The following ERG variants were observed in gnomAD, a reference collection of about 807,000 sequenced individuals.
The protein encoded by ERG is transcriptional regulator ERG.
Under a neutral mutation model 55.3 loss-of-function variants are expected in ERG, and 9 were observed. The ratio of observed to expected loss-of-function variants is 0.16; its 90% CI spans 0.10 to 0.28. The LOEUF (loss-of-function observed/expected upper bound fraction) is 0.28. Among genes scored for constraint, ERG ranks in the 10% least tolerant of loss-of-function variants. The pLI is 1.00. For synonymous variants in ERG, 223 were observed against 237.3 expected, an observed-to-expected ratio of 0.94 and a Z score of 0.55; for missense variants, 434 against 631.6, an observed-to-expected ratio of 0.69 and a Z score of 3.35.
intron 1 of ERG, among the ~76,000 whole-genome samples, chr21:38,590,425 A>C (rs954126576): frequency 6.6e-6 from 1 of 152,148 alleles, no homozygotes; most frequent in Admixed American, 6.5e-5. Flanking sequence ...TTTCACCTGT[A>C]TGTCCCACAA....
intron 1 of ERG, among the ~76,000 whole-genome samples, chr21:38,607,673 T>C (rs2060204530): frequency 6.6e-6 from 1 of 152,050 alleles, no homozygotes; most frequent in Admixed American, 6.6e-5. Flanking sequence ...AAGACAATTA[T>C]GAGTGGATAT....
At chr21:38,654,249 G>A (rs1049844931) in intron 1 of ERG, among the ~76,000 whole-genome samples, 17 of 152,218 alleles carry the variant, frequency 1.1e-4, no homozygotes, top group South Asian at 2.1e-4. Flanking sequence ...AGGACGAGGC[G>A]GGCAGATCAC....
At chr21:38,530,312 G>A (rs903460950) in intron 2 of ERG, among the ~76,000 whole-genome samples, 12 of 152,038 alleles carry the variant, frequency 7.9e-5, no homozygotes, top group Non-Finnish European at 7.4e-5. Context: ...CACCCGCCTC[G>A]GCCTCCCAAA....
intron 1 of ERG, among the ~76,000 whole-genome samples, chr21:38,640,844 C>T (rs995956548): frequency 1.3e-5 from 2 of 152,130 alleles, no homozygotes; most frequent in Non-Finnish European, 1.5e-5. Context: ...GCTAAGAGGA[C>T]AGCAGTTACC....
upstream of ERG, among the ~76,000 whole-genome samples, chr21:38,500,606 C>G (rs187634174): frequency 6.6e-6 from 1 of 152,206 alleles, no homozygotes. Flanking sequence ...CATGCTCTCT[C>G]TCTCTCAATC....
At chr21:38,426,969 AT>A (rs1410044212) in intron 2 of ERG, among the ~76,000 whole-genome samples, 1 of 151,876 alleles carries the variant, frequency 6.6e-6, no homozygotes, top group African/African-American at 2.4e-5. Context: ...GACATTGAGG[AT>A]TTTGAACCCT....
intron 2 of ERG, among the ~76,000 whole-genome samples, chr21:38,570,951 C>G (rs947485517): frequency 1.3e-5 from 2 of 152,092 alleles, no homozygotes; most frequent in African/African-American, 4.8e-5. Flanking sequence ...TCCTCTTCAG[C>G]AAATGTTAGT....
At chr21:38,445,145 T>TC (rs2058879170) in intron 2 of ERG, among the ~76,000 whole-genome samples, 1 of 150,508 alleles carries the variant, frequency 6.6e-6, no homozygotes, top group Non-Finnish European at 1.5e-5. Context: ...CTTCTTTTTT[T>TC]TTTTTTTTTT....
rs1229671029 is a variant in ERG at position 38,528,573 on chromosome 21, A to T, written c.-41+47089T>A. On this transcript the variant is annotated intron_variant, in intron 2 of 8. Coordinates refer to the ERG transcript ENST00000398897. ...CGCCATTCTCCTGCCTCAGCCTCCC[A>T]AGTAGCTGGGACTACAGGCACCCGC... 1.2e-4 allele frequency among the ~76,000 whole-genome samples: 10 copies of T among 82,778 alleles called. 3 individuals are homozygous for T. The highest frequency in any genetic ancestry group is 3.2e-4 in the African/African-American group (8 of 24,834). The allele number at this position is 82,778 out of a possible 152,430, so 54.3% of individuals were successfully genotyped here. A position where few individuals can be genotyped will look rare whatever the true frequency, so the allele number is the denominator to read the frequency against.
At chr21:38,600,965 T>C (rs2060161196) in intron 1 of ERG, among the ~76,000 whole-genome samples, 1 of 152,226 alleles carries the variant, frequency 6.6e-6, no homozygotes, top group Non-Finnish European at 1.5e-5. Context: ...TCCAAGAGTC[T>C]AATGGTGATG....
chr21:38,592,528 T>C (rs1704749982), intron 1 of ERG, among the ~76,000 whole-genome samples: 1 of 151,950 alleles, frequency 6.6e-6, no homozygotes, highest in African/African-American at 2.4e-5. Context: ...CTAAACCTGG[T>C]TAATAGCCCA....
intron 2 of ERG, among the ~76,000 whole-genome samples, chr21:38,431,332 G>C (rs1288390057): frequency 2.0e-5 from 3 of 152,162 alleles, no homozygotes; most frequent in African/African-American, 7.2e-5. Context: ...CAAGAGTTTA[G>C]CTTCGTTAAC....
rs1383073153 is a variant in ERG, at chr21:38,460,361, T to C, written c.19-14740A>G. ...GTCTTGGCTAAAAGCCCGGGAATTG[T>C]CTTCTTCTGTGTTGCACTAATATTT... On this transcript the variant is annotated intron_variant, in intron 1 of 9. Transcript: ENST00000288319. The surrounding 1 kb of genome is among the most constrained non-coding windows in gnomAD (Gnocchi z 5.0). Among the ~76,000 whole-genome samples the C allele has an allele frequency of 6.6e-6, 1 of 152,188 alleles. No individual in the cohort carries two copies. The highest frequency in any genetic ancestry group is 1.5e-5 in the Non-Finnish European group (1 of 68,028).
intron 5 of ERG, among the ~76,000 whole-genome samples, chr21:38,402,308 T>A (rs1017173267): frequency 5.3e-5 from 8 of 152,156 alleles, no homozygotes; most frequent in African/African-American, 1.9e-4. Flanking sequence ...AAAGGCAAAT[T>A]CTGCACGTCT....
chr21:38,468,689 T>A (rs1678764677), intron 1 of ERG, among the ~76,000 whole-genome samples: 1 of 152,060 alleles, frequency 6.6e-6, no homozygotes, highest in Admixed American at 6.5e-5. Flanking sequence ...ATGCTCACTA[T>A]GAAAATGTGG....
At position 38,460,050 on chromosome 21, in the gene ERG, C is replaced by A. The variant is rs547955892; in HGVS notation, c.19-14429G>T. ...AACTGCTGCTTTTCATTTAGAGTGG[C>A]CAGGGTGGTCCTGAGAAAACGCGAA... On this transcript the variant is annotated intron_variant, in intron 1 of 9. Transcript: ENST00000288319. The surrounding 1 kb of genome is among the most constrained non-coding windows in gnomAD (Gnocchi z 5.0). Among the ~76,000 whole-genome samples, 3 of 152,228 alleles carry A rather than the reference C, an allele frequency of 2.0e-5. No homozygotes were observed. The highest frequency in any genetic ancestry group is 2.1e-4 in the South Asian group (1 of 4,818).
At chr21:38,386,502 G>T (rs1215323907) in intron 9 of ERG, among the ~76,000 whole-genome samples, 1 of 152,170 alleles carries the variant, frequency 6.6e-6, no homozygotes, top group African/African-American at 2.4e-5. Flanking sequence ...ATTGTCAGTG[G>T]TAAAGGAATT....
intron 1 of ERG, among the ~76,000 whole-genome samples, chr21:38,489,463 T>C (rs2059316634): frequency 6.6e-6 from 1 of 152,246 alleles, no homozygotes; most frequent in Non-Finnish European, 1.5e-5. Flanking sequence ...GAGTTCATAC[T>C]GTTTGGCTTA....
intron 2 of ERG, among the ~76,000 whole-genome samples, chr21:38,573,406 A>T (rs560547465): frequency 6.6e-6 from 1 of 152,202 alleles, no homozygotes; most frequent in Non-Finnish European, 1.5e-5. Context: ...TGAATGTCTC[A>T]GTATAAAACC....
Sources: allele counts gnomAD v4.1 joint callset (sites outside exome capture counted in the v4.1 genomes callset), GRCh38; gene constraint gnomAD v4.1.1; non-coding constraint Gnocchi (gnomAD v3.1); transcripts MANE v1.5; gene names NCBI Gene and HGNC (gene_info 2026-07-23, HGNC 2026-07-21).